Variants in SPG7 observed in about 807,000 individuals in gnomAD.
SPG7 encodes mitochondrial inner membrane m-AAA protease component paraplegin.
Under a neutral mutation model 81.9 loss-of-function variants are expected in SPG7, and 103 were observed. The ratio of observed to expected loss-of-function variants is 1.26; its 90% CI spans 1.07 to 1.48. The LOEUF is 1.48. Among genes scored for constraint, SPG7 ranks in the 40% most tolerant of loss-of-function variants. SPG7 has a pLI of 0.00. For missense variants in SPG7, 1,241 were observed against 1,087.3 expected (o/e 1.14, Z -1.99); for synonymous variants, 534 against 444.2 (o/e 1.20, Z -2.54).
At chr16:89,527,052 T>C (rs1488695843) in intron 5 of SPG7, 2 of 218,464 alleles carry the variant, frequency 9.2e-6, no homozygotes, top group Non-Finnish European at 1.9e-5. Context: ...TTCTCTGATA[T>C]GCTTTAAATC....
In SPG7 at chr16:89,544,346, G is replaced by A. The variant is rs149143391; in HGVS notation, c.1325-302G>A. On this transcript the variant is annotated intron_variant, in intron 9 of 16. Coordinates refer to ENST00000645818, the MANE Select transcript of SPG7 (RefSeq NM_003119.4). ...GGGGTGGGGGGTGGCTGTTAGGACC[G>A]GCTCCCAGATGGCACCGTGAGGCAG... 497 of 394,696 alleles carry A rather than the reference G, an allele frequency of 1.3e-3. 2 individuals are homozygous for A. Among genetic ancestry groups the A allele is most frequent in the African/African-American group, 9.4e-3 (455 of 48,408 alleles). 24.4% of individuals were successfully genotyped at this position (394,696 alleles called of 1,614,324 possible).
Position 89,508,421 on chromosome 16 carries a change from G to T in SPG7, c.4G>T (p.Ala2Ser). 1 of 1,490,226 alleles carries T rather than the reference G, an allele frequency of 6.7e-7. No homozygotes were observed. The highest frequency in any genetic ancestry group is 8.9e-7 in the Non-Finnish European group (1 of 1,126,884). The allele number at this position is 1,490,226 out of a possible 1,614,324, so 92.3% of individuals were successfully genotyped here. M[A>S]VLLLLLRALR... ...CAGGCGCGGCTTTCAGGCCAACATG[G>T]CCGTGCTGCTGCTGCTGCTCCGTGC... Residue 2 changes from alanine to serine, a missense_variant, in exon 1 of 17, where the codon GCC becomes TCC. Transcript: ENST00000645818.
intron 5 of SPG7, 40 bp downstream of exon 5, chr16:89,526,508 A>C (rs759212578): frequency 1.5e-5 from 24 of 1,613,004 alleles, no homozygotes; most frequent in Non-Finnish European, 1.9e-5. Context: ...ACTAAACCTA[A>C]CTTGGCTTTG....
rs1597633039 is a variant in SPG7, at chr16:89,531,673, C to T, written c.988-231C>T. 7.1e-6 allele frequency: 4 copies of T among 561,210 alleles called. No individual in the cohort carries two copies. The East Asian group carries it at 1.2e-4, about 17-fold the overall frequency. The allele number at this position is 561,210 out of a possible 1,614,324, so 34.8% of individuals were successfully genotyped here. A position where few individuals can be genotyped will look rare whatever the true frequency, so the allele number is the denominator to read the frequency against. On this transcript the variant is annotated intron_variant, in intron 7 of 16. Coordinates refer to ENST00000645818, the MANE Select transcript of SPG7 (RefSeq NM_003119.4). ...CCAGGTGTGAGCCACCGCACCTGGCCTGCAAGAAGTTTTTAAAAGTAGCTG... is the reference window on the plus strand; with the variant it reads ...CCAGGTGTGAGCCACCGCACCTGGCTTGCAAGAAGTTTTTAAAAGTAGCTG...
intron 1 of SPG7, 166 bp downstream of exon 1, chr16:89,508,766 G>A (rs1254411554): frequency 1.2e-6 from 1 of 818,072 alleles, no homozygotes; most frequent in African/African-American, 1.7e-5. Flanking sequence ...CGACTGTTGG[G>A]GCCCTGGATC....
At chr16:89,542,956 T>C (rs1219379494) in intron 9 of SPG7, 1 of 146,114 alleles carries the variant, frequency 6.8e-6, no homozygotes, top group Non-Finnish European at 1.5e-5. Flanking sequence ...TTTTTTTTTT[T>C]TTTTTTTTTG....
chr16:89,554,396 C>G, intron 15 of SPG7, 90 bp from the exon 16 acceptor site: 2 of 864,644 alleles, frequency 2.3e-6, no homozygotes, highest in Admixed American at 2.0e-5. Flanking sequence ...GGGGAAAGGC[C>G]GTGTTCCCAG....
At chr16:89,523,822 C>T (rs760353348) in intron 3 of SPG7, 184 bp from the exon 4 acceptor site, 13 of 823,362 alleles carry the variant, frequency 1.6e-5, no homozygotes, top group African/African-American at 3.4e-5. Flanking sequence ...TGGGTGACCT[C>T]GAACAGCACA....
In SPG7 at chr16:89,529,463, CTT is replaced by C. The variant is rs779395474; in HGVS notation, c.759-12_759-11del. The C allele has an allele frequency of 1.3e-6, 2 of 1,594,542 alleles. No homozygotes were observed. The highest frequency in any genetic ancestry group is 3.4e-5 in the Admixed American group (2 of 59,428). ...ACCGTCTGAGCCTGTGCCTGCCTCT[CTT>C]TCTTCCGGCAGTGCCCTGTACTCTG... is the stretch of plus-strand genomic sequence containing the variant. On this transcript the variant is annotated splice_polypyrimidine_tract_variant and intron_variant, in intron 5 of 16. Transcript: ENST00000645818.
At chr16:89,538,884 A>G (rs561074882) in intron 9 of SPG7, 6 of 152,444 alleles carry the variant, frequency 3.9e-5, no homozygotes, top group African/African-American at 1.4e-4. Context: ...CCGGTCCTTT[A>G]TCCTGAGTTT....
At position 89,537,243 on chromosome 16, in the gene SPG7, G is replaced by A. The variant is rs1009690639; in HGVS notation, c.1324+4607G>A. ...GAAGAGAAAAGCCCAAGCCTTGTTG[G>A]TTACGTCAGCCGGTCCATGGCGGTG... On this transcript the variant is annotated intron_variant, in intron 9 of 16. Transcript: ENST00000645818. 3 of 1,408,116 alleles carry A rather than the reference G, an allele frequency of 2.1e-6. 1 individual carries two copies. The highest frequency in any genetic ancestry group is 1.4e-5 in the African/African-American group (1 of 69,214). The allele number at this position is 1,408,116 out of a possible 1,614,324, so 87.2% of individuals were successfully genotyped here. A position where few individuals can be genotyped will look rare whatever the true frequency, so the allele number is the denominator to read the frequency against.
intron 3 of SPG7, among the ~76,000 whole-genome samples, chr16:89,515,883 A>G (rs1193282702): frequency 1.4e-5 from 2 of 148,134 alleles, no homozygotes; most frequent in East Asian, 2.1e-4. Flanking sequence ...AATTTTTTGT[A>G]TTTTTAGCAG....
At chr16:89,547,939 TCCTC>T (rs1459215692) in intron 11 of SPG7, 60 bp from the exon 12 acceptor site, 2 of 1,248,586 alleles carry the variant, frequency 1.6e-6, no homozygotes, top group Non-Finnish European at 2.4e-6. Context: ...GAGGGCCCCT[TCCTC>T]CTCTTAAGCC....
Position 89,550,599 on chromosome 16 carries a change from C to T in SPG7, c.1769C>T (p.Ala590Val), listed in dbSNP as rs1196107974. 5 of 1,612,470 alleles carry T rather than the reference C, an allele frequency of 3.1e-6. No homozygotes were observed. The highest frequency in any genetic ancestry group is 1.1e-5 in the South Asian group (1 of 91,060). The change falls in exon 13 of 17, where the codon GCC (alanine) becomes GTC (valine). Residue 590 changes from alanine (A) to valine (V), a missense_variant. Ala to Val is a moderately conservative substitution (Grantham distance 64). Transcript: ENST00000645818. ...LVGWMLEHTE[A>V]VMKVSITPRT... Reference sequence around the variant, plus strand: ...GGCTGGATGCTGGAGCACACGGAGGCCGTGATGAAGGTGGGTCTTGGCAGG... The same window carrying T: ...GGCTGGATGCTGGAGCACACGGAGGTCGTGATGAAGGTGGGTCTTGGCAGG...
Position 89,529,585 on chromosome 16 carries a change from T to C in SPG7, c.861+6T>C, listed in dbSNP as rs765178985. On this transcript the variant is annotated splice_donor_region_variant and intron_variant, in intron 6 of 16. Coordinates refer to ENST00000645818, the MANE Select transcript of SPG7 (RefSeq NM_003119.4). ...AAGGTGGATTCAGTGCTTTTGTAAG[T>C]TCTGTAAATCAGAGCTCTCTGAACT... 5 of 1,596,346 alleles carry C rather than the reference T, an allele frequency of 3.1e-6. No homozygotes were observed. The highest frequency in any genetic ancestry group is 4.3e-6 in the Non-Finnish European group (5 of 1,164,026).
chr16:89,557,329 G>T lies in SPG7; in HGVS notation c.*236G>T, dbSNP rs1362935557. 1 of 559,254 alleles carries T rather than the reference G, an allele frequency of 1.8e-6. No homozygotes were observed. Among genetic ancestry groups the T allele is most frequent in the Non-Finnish European group, 3.2e-6 (1 of 311,408 alleles). 34.6% of individuals were successfully genotyped at this position (559,254 alleles called of 1,614,324 possible). ...GTTTCCCCTATGGGGAAGGTTATCA[G>T]TGCTTCCCGAGTGAGCATGGAACAC... On this transcript the variant is annotated 3_prime_UTR_variant, in exon 17 of 17. Transcript: ENST00000645818.
At chr16:89,514,574 C>G (rs1403150196) in intron 3 of SPG7, 1 of 152,082 alleles carries the variant, frequency 6.6e-6, no homozygotes, top group Non-Finnish European at 1.5e-5. Flanking sequence ...AATCTCGGCT[C>G]ACTGCAAGCT....
intron 4 of SPG7, among the ~76,000 whole-genome samples, chr16:89,525,141 G>GT (rs964832283): frequency 6.6e-6 from 1 of 151,486 alleles, no homozygotes; most frequent in African/African-American, 2.4e-5. Context: ...TAAATTTTTT[G>GT]TTTTTTTGGA....
Position 89,524,026 on chromosome 16 carries a change from C to G in SPG7, c.397C>G (p.Arg133Gly). 1.2e-6 allele frequency: 2 copies of G among 1,613,010 alleles called. No individual in the cohort carries two copies. Among genetic ancestry groups the G allele is most frequent in the Non-Finnish European group, 1.7e-6 (2 of 1,180,034 alleles). Residue 133 changes from arginine (R) to glycine (G), a missense_variant, in exon 4 of 17, where the codon CGG becomes GGG. Arg to Gly is a moderately radical substitution (Grantham distance 125). Coordinates refer to ENST00000645818, the MANE Select transcript of SPG7 (RefSeq NM_003119.4). ...EDEEERRRRE[R>G]DDQMYRERLR... Reference sequence around the variant, plus strand: ...CTCAGAGGAGAGGAGACGCCGTGAGCGGGACGACCAGATGTACCGAGAGCG... The same window carrying G: ...CTCAGAGGAGAGGAGACGCCGTGAGGGGGACGACCAGATGTACCGAGAGCG...
Sources: allele counts gnomAD v4.1 joint callset (sites outside exome capture counted in the v4.1 genomes callset), GRCh38; gene constraint gnomAD v4.1.1; transcripts MANE v1.5; gene names NCBI Gene and HGNC (gene_info 2026-07-23, HGNC 2026-07-21).